The following ITIH5 variants were observed in gnomAD, a reference collection of about 807,000 sequenced individuals.
ITIH5 encodes inter-alpha-trypsin inhibitor heavy chain 5.
Under a neutral mutation model 77.5 loss-of-function variants are expected in ITIH5, and 65 were observed. The observed-to-expected ratio is 0.84, with a 90% confidence interval of 0.69 to 1.03. The LOEUF (loss-of-function observed/expected upper bound fraction) is 1.03. Among genes scored for constraint, ITIH5 ranks in the 50% least tolerant of loss-of-function variants. The pLI, the probability that ITIH5 is intolerant of heterozygous loss-of-function variation, is 0.00. For synonymous variants in ITIH5, 525 were observed against 494.3 expected, an observed-to-expected ratio of 1.06 and a Z score of -0.82; for missense variants, 1,208 against 1,213.1, an observed-to-expected ratio of 1.00 and a Z score of 0.06.
rs2050354 is a variant in ITIH5 at position 7,561,914 on chromosome 10, C to G, written c.*1169G>C. On this transcript the variant is annotated 3_prime_UTR_variant, in exon 14 of 14. Coordinates refer to ENST00000397146, the MANE Select transcript of ITIH5 (RefSeq NM_030569.7). Reference sequence around the variant, plus strand: ...CGCCCAAGCGCTCCCGGTATCCGTCCGCTGAAGGGTGACGTTCATTGACTC... The same window carrying G: ...CGCCCAAGCGCTCCCGGTATCCGTCGGCTGAAGGGTGACGTTCATTGACTC... 0.96 allele frequency: 146,873 copies of G among 152,214 alleles called. 71,051 individuals carry two copies. The highest frequency in any genetic ancestry group is 1 in the East Asian group (5,169 of 5,170). 9.4% of individuals were successfully genotyped at this position (152,214 alleles called of 1,614,324 possible).
intron 12 of ITIH5, among the ~76,000 whole-genome samples, chr10:7,568,839 C>T (rs1832237801): frequency 1.3e-5 from 2 of 152,120 alleles, no homozygotes; most frequent in Non-Finnish European, 2.9e-5. Context: ...TACATGTTCA[C>T]GGCACACAGA....
rs140366813 is a variant in ITIH5 at position 7,604,474 on chromosome 10, C to A, written c.939+11508G>T. Among the ~76,000 whole-genome samples the A allele has an allele frequency of 5.3e-3, 813 of 152,348 alleles. 7 individuals are homozygous for A. Among genetic ancestry groups the A allele is most frequent in the South Asian group, 0.018 (89 of 4,832 alleles). On this transcript the variant is annotated intron_variant, in intron 7 of 13. Transcript: ENST00000397146. ...CTTAACTCACACGCTCCGCGTTTTCCTTCTCCGTCCTCTTTTCATTCTGAG... is the reference window on the plus strand; with the variant it reads ...CTTAACTCACACGCTCCGCGTTTTCATTCTCCGTCCTCTTTTCATTCTGAG...
In ITIH5 at chr10:7,562,915, C is replaced by A. The variant is rs1832064724; in HGVS notation, c.*168G>T. 6.5e-6 allele frequency: 4 copies of A among 617,884 alleles called. No individual in the cohort carries two copies. Among genetic ancestry groups the A allele is most frequent in the East Asian group, 2.9e-5 (1 of 34,744 alleles). The allele number at this position is 617,884 out of a possible 1,614,324, so 38.3% of individuals were successfully genotyped here. ...ACTCAGGCTTCCCGCCCCTACCCAC[C>A]CCTACCCTTCGCCCAGACAGACGTC... On this transcript the variant is annotated 3_prime_UTR_variant, in exon 14 of 14. Coordinates refer to ENST00000397146, the MANE Select transcript of ITIH5 (RefSeq NM_030569.7).
chr10:7,576,682 C>T lies in ITIH5; in HGVS notation c.1749G>A (p.Lys583=). The part of the protein sequence containing the change: ...IERLWSYLTT[K]ELLSSWLQSD... ...TTTGCAGCCAGGAGCTCAGCAGCTCCTTTGTGGTGAGGTAGCTCCAGAGAC... is the reference window on the plus strand; with the variant it reads ...TTTGCAGCCAGGAGCTCAGCAGCTCTTTTGTGGTGAGGTAGCTCCAGAGAC... Residue 583 remains lysine, a synonymous_variant, in exon 10 of 14, where the codon AAG becomes AAA. Coordinates refer to ENST00000397146, the MANE Select transcript of ITIH5 (RefSeq NM_030569.7). The T allele has an allele frequency of 6.2e-7, 1 of 1,614,202 alleles. No individual in the cohort carries two copies. The highest frequency in any genetic ancestry group is 8.5e-7 in the Non-Finnish European group (1 of 1,180,046).
At chr10:7,571,957 A>G in intron 11 of ITIH5, 3 of 989,830 alleles carry the variant, frequency 3.0e-6, no homozygotes, top group Non-Finnish European at 3.6e-6. Flanking sequence ...CAGTTTTCTG[A>G]GAGTTTCTAT....
At chr10:7,614,259 T>G (rs114716026) in intron 7 of ITIH5, among the ~76,000 whole-genome samples, 1 of 152,196 alleles carries the variant, frequency 6.6e-6, no homozygotes. Flanking sequence ...AGTTGGCAGG[T>G]TGCGCTCTGG....
intron 7 of ITIH5, among the ~76,000 whole-genome samples, chr10:7,613,557 G>C (rs1833300327): frequency 6.6e-6 from 1 of 152,136 alleles, no homozygotes; most frequent in Non-Finnish European, 1.5e-5. Context: ...CATCACAGAG[G>C]AGATTTGAAA....
chr10:7,587,910 C>A (rs990658603), intron 7 of ITIH5, among the ~76,000 whole-genome samples: 1 of 152,186 alleles, frequency 6.6e-6, no homozygotes, highest in Non-Finnish European at 1.5e-5. Context: ...GCCCCTCTGG[C>A]TAGGTGAAAT....
chr10:7,628,726 T>TCC, intron 5 of ITIH5, among the ~76,000 whole-genome samples: 2 of 121,458 alleles, frequency 1.6e-5, no homozygotes, highest in East Asian at 4.6e-4. Flanking sequence ...GTAGCGTGTG[T>TCC]CCATGTTGCA....
chr10:7,617,089 A>G, intron 6 of ITIH5, 24 bp downstream of exon 6: 4 of 1,476,518 alleles, frequency 2.7e-6, no homozygotes, highest in Non-Finnish European at 3.6e-6. Flanking sequence ...AACCAACATG[A>G]AATAGCAACG....
At chr10:7,648,094 A>G (rs1834034284) in intron 2 of ITIH5, among the ~76,000 whole-genome samples, 1 of 143,690 alleles carries the variant, frequency 7.0e-6, no homozygotes, top group Non-Finnish European at 1.5e-5. Context: ...AAAAAAAAAA[A>G]TACAAAAAAT....
rs1278453911 is a variant in ITIH5, at chr10:7,665,489, T to TAAGGCCGA, written c.90+1306_90+1313dup. Among the ~76,000 whole-genome samples, 5 of 152,188 alleles carry TAAGGCCGA rather than the reference T, an allele frequency of 3.3e-5. No homozygotes were observed. In the East Asian group the frequency reaches 7.7e-4, roughly 23 times the overall value. On this transcript the variant is annotated intron_variant, in intron 1 of 13. Coordinates refer to ENST00000397146, the MANE Select transcript of ITIH5 (RefSeq NM_030569.7). ...CTCCACATTTCACAGAAGAGGAATA[T>TAAGGCCGA]AAGGCCGAAAGGCACTTGATCAGGG...
chr10:7,573,864 C>T (rs996974023), intron 10 of ITIH5, among the ~76,000 whole-genome samples: 1 of 151,990 alleles, frequency 6.6e-6, no homozygotes, highest in Admixed American at 6.6e-5. Flanking sequence ...GAGAAATGAG[C>T]TGTTGTTCAG....
chr10:7,571,232 A>T (rs1832290729), intron 11 of ITIH5, among the ~76,000 whole-genome samples: 1 of 152,072 alleles, frequency 6.6e-6, no homozygotes, highest in Non-Finnish European at 1.5e-5. Context: ...CAAAGTTCTC[A>T]TCCACATTGC....
At chr10:7,617,790 TTATC>T (rs1833399131) in intron 5 of ITIH5, 1 of 152,192 alleles carries the variant, frequency 6.6e-6, no homozygotes, top group African/African-American at 2.4e-5. Context: ...GTATTTAAAT[TTATC>T]TGATTCCCTA....
intron 8 of ITIH5, among the ~76,000 whole-genome samples, chr10:7,582,157 G>A (rs563487273): frequency 6.6e-6 from 1 of 152,116 alleles, no homozygotes; most frequent in South Asian, 2.1e-4. Context: ...TACTGGCAGG[G>A]GCCACAGCAC....
At chr10:7,644,452 CAT>C (rs1833944432) in intron 2 of ITIH5, among the ~76,000 whole-genome samples, 1 of 134,052 alleles carries the variant, frequency 7.5e-6, no homozygotes, top group Non-Finnish European at 1.6e-5. Context: ...ACATATAGAT[CAT>C]ATATATCACA....
At chr10:7,638,694 A>C (rs955533397) in intron 4 of ITIH5, among the ~76,000 whole-genome samples, 2 of 152,248 alleles carry the variant, frequency 1.3e-5, no homozygotes, top group African/African-American at 4.8e-5. Context: ...GGAATACACG[A>C]AATAAAAAAG....
intron 7 of ITIH5, among the ~76,000 whole-genome samples, chr10:7,615,657 G>A (rs556354906): frequency 2.1e-4 from 32 of 152,210 alleles, no homozygotes; most frequent in African/African-American, 6.5e-4. Context: ...AGGAATCATC[G>A]CTGAACAGAA....
Sources: gnomAD v4.1 joint callset for allele counts (sites outside exome capture counted in the v4.1 genomes callset) on GRCh38, gnomAD v4.1.1 for gene constraint, MANE v1.5 for transcripts, NCBI Gene and HGNC (gene_info 2026-07-23, HGNC 2026-07-21) for gene names.